SLC4A4: variants seen among roughly 807,000 people sequenced by gnomAD.
SLC4A4 encodes the protein solute carrier family 4 member 4.
A neutral mutation model predicts 111.5 loss-of-function variants in SLC4A4; 27 were observed. The observed-to-expected ratio is 0.24, with a 90% CI of 0.18 to 0.33. SLC4A4 has a LOEUF of 0.33. Among genes scored for constraint, SLC4A4 ranks in the 10% least tolerant of loss-of-function variants. SLC4A4 has a pLI of 1.00. For missense variants in SLC4A4, 909 were observed against 1,315.5 expected, an observed-to-expected ratio of 0.69 and a Z score of 4.78; for synonymous variants, 443 against 463.4, an observed-to-expected ratio of 0.96 and a Z score of 0.57.
chr4:71,311,711 C>A (rs1320473705), intron 3 of SLC4A4, among the ~76,000 whole-genome samples: 1 of 152,068 alleles, frequency 6.6e-6, no homozygotes, highest in Non-Finnish European at 1.5e-5. Flanking sequence ...TTATAGCACT[C>A]AATGCCCAAA....
chr4:71,128,501 T>G (rs1475309275), intron 2 of SLC4A4, among the ~76,000 whole-genome samples: 1 of 152,060 alleles, frequency 6.6e-6, no homozygotes, highest in Non-Finnish European at 1.5e-5. Context: ...ACAGTCAATT[T>G]TTTCCTAAGA....
intron 1 of SLC4A4, among the ~76,000 whole-genome samples, chr4:71,065,649 ACATGATC>A (rs1741499172): frequency 1.3e-5 from 2 of 152,176 alleles, no homozygotes; most frequent in South Asian, 4.1e-4. Flanking sequence ...TCTTTGGCTA[ACATGATC>A]TCTCTTGCTT....
intron 2 of SLC4A4, among the ~76,000 whole-genome samples, chr4:71,176,027 G>A (rs909206874): frequency 3.3e-5 from 5 of 152,272 alleles, no homozygotes; most frequent in Admixed American, 6.5e-5. Context: ...ACCAATATCC[G>A]CTGTTCTGTA....
intron 2 of SLC4A4, among the ~76,000 whole-genome samples, chr4:71,166,301 T>A (rs1371688670): frequency 6.6e-6 from 1 of 152,166 alleles, no homozygotes; most frequent in African/African-American, 2.4e-5. Context: ...CAGGTCCTAA[T>A]CCCTAGGAAA....
intron 3 of SLC4A4, among the ~76,000 whole-genome samples, chr4:71,317,039 C>A (rs1448762074): frequency 6.6e-6 from 1 of 150,752 alleles, no homozygotes; most frequent in Non-Finnish European, 1.5e-5. Context: ...TTATAAAGTT[C>A]TCTAGACAGG....
rs1200256194 is a variant in SLC4A4, at chr4:71,438,813, T to C, written c.808-1803T>C. Among the ~76,000 whole-genome samples the C allele has an allele frequency of 2.0e-5, 3 of 152,164 alleles. No individual in the cohort carries two copies. In the South Asian group the frequency reaches 6.2e-4, roughly 32 times the overall value. ...AACCCATGAATTAAAATGATATTTC[T>C]CTAATATACTGAAATTTTGCCTTAT... On this transcript the variant is annotated intron_variant, in intron 7 of 25. Transcript: ENST00000264485.
chr4:71,126,684 A>G (rs1460887826), intron 2 of SLC4A4, among the ~76,000 whole-genome samples: 3 of 152,266 alleles, frequency 2.0e-5, no homozygotes, highest in East Asian at 3.8e-4. Flanking sequence ...GACTTAAAAT[A>G]TGTAATTCAT....
At chr4:71,120,774 G>T (rs895204682) in intron 2 of SLC4A4, among the ~76,000 whole-genome samples, 2 of 152,204 alleles carry the variant, frequency 1.3e-5, no homozygotes, top group East Asian at 3.9e-4. Flanking sequence ...ACAGCATGCT[G>T]GCAGCCCTCA....
chr4:71,351,393 A>G (rs1729816581), intron 5 of SLC4A4, among the ~76,000 whole-genome samples: 1 of 152,170 alleles, frequency 6.6e-6, no homozygotes, highest in South Asian at 2.1e-4. Flanking sequence ...GTCCAGAGAA[A>G]CTCAGTGCAA....
intron 6 of SLC4A4, among the ~76,000 whole-genome samples, chr4:71,379,468 G>A (rs147709064): frequency 1.4e-4 from 22 of 152,070 alleles, no homozygotes; most frequent in East Asian, 5.8e-4. Flanking sequence ...AAGCTCTTAT[G>A]TCCCGCAGGA....
rs770779097 is a variant in SLC4A4 at position 71,506,391 on chromosome 4, T to C, written c.2166+8699T>C. On this transcript the variant is annotated intron_variant, in intron 16 of 25. Transcript: ENST00000264485. The stretch of plus-strand genomic sequence containing the variant: ...CTTGAGTGGTGGTTTGTAGTTCTCA[T>C]TGAAGAGGTCCACTTCCATCATTAG... Among the ~76,000 whole-genome samples, 14 of 152,306 alleles carry C rather than the reference T, an allele frequency of 9.2e-5. No individual in the cohort carries two copies. The East Asian group carries it at 1.9e-3, about 21-fold the overall frequency.
intron 12 of SLC4A4, among the ~76,000 whole-genome samples, chr4:71,462,004 G>C (rs946646559): frequency 6.6e-6 from 1 of 152,020 alleles, no homozygotes; most frequent in African/African-American, 2.4e-5. Flanking sequence ...ACCTAAAGAG[G>C]CTTTTTTTTA....
intron 2 of SLC4A4, among the ~76,000 whole-genome samples, chr4:71,252,911 G>C (rs150283213): frequency 1.3e-4 from 20 of 152,280 alleles, no homozygotes; most frequent in Non-Finnish European, 2.6e-4. Context: ...TTACACCCCA[G>C]TAAAGGTGAT....
chr4:71,184,406 G>A (rs999118048), upstream of SLC4A4, among the ~76,000 whole-genome samples: 8 of 151,986 alleles, frequency 5.3e-5, no homozygotes, highest in African/African-American at 1.9e-4. Flanking sequence ...GCTTGTCATC[G>A]AAACAAAGGT....
At position 71,255,382 on chromosome 4, in the gene SLC4A4, G is replaced by A. The variant is rs778993689; in HGVS notation, c.236G>A (p.Ser79Asn). ...GAAAATGCTGATGAATCCAGCAGCAGCATCCTAAAACCTCTCAGTGAGTAC... is the reference window on the plus strand; with the variant it reads ...GAAAATGCTGATGAATCCAGCAGCAACATCCTAAAACCTCTCAGTGAGTAC... ...DIENADESSS[S>N]ILKPLISPAA... Residue 79 changes from serine (S) to asparagine (N), a missense_variant, in exon 3 of 26, where the codon AGC becomes AAC. Coordinates refer to ENST00000264485, the MANE Select transcript of SLC4A4 (RefSeq NM_001098484.3). The A allele has an allele frequency of 2.0e-5, 33 of 1,613,378 alleles. 1 individual carries two copies. In the South Asian group the frequency reaches 3.4e-4, roughly 17 times the overall value.
chr4:71,107,088 A>C (rs1742951565), intron 2 of SLC4A4, among the ~76,000 whole-genome samples: 1 of 151,800 alleles, frequency 6.6e-6, no homozygotes, highest in African/African-American at 2.4e-5. Flanking sequence ...TTTAACTTTC[A>C]ATCTGTTAGT....
intron 2 of SLC4A4, among the ~76,000 whole-genome samples, chr4:71,105,206 A>G (rs1197591492): frequency 4.0e-5 from 6 of 149,690 alleles, no homozygotes; most frequent in African/African-American, 1.5e-4. Context: ...TAGGAATCCA[A>G]CTCACAAGGG....
chr4:71,390,541 G>A (rs1719159257), intron 6 of SLC4A4, among the ~76,000 whole-genome samples: 1 of 152,066 alleles, frequency 6.6e-6, no homozygotes, highest in Non-Finnish European at 1.5e-5. Context: ...GAGTGGCTAA[G>A]TTCAATATTT....
chr4:71,335,448 C>T (rs574461330), intron 3 of SLC4A4, among the ~76,000 whole-genome samples: 1 of 152,236 alleles, frequency 6.6e-6, no homozygotes, highest in South Asian at 2.1e-4. Context: ...AATAGTTAGA[C>T]TTCCCATTTC....
Sources: allele counts gnomAD v4.1 joint callset (sites outside exome capture counted in the v4.1 genomes callset), GRCh38; gene constraint gnomAD v4.1.1; transcripts MANE v1.5; gene names NCBI Gene and HGNC (gene_info 2026-07-23, HGNC 2026-07-21).